Variants in CAST observed in about 807,000 individuals in gnomAD.
CAST encodes the protein calpastatin.
CAST carries 76 observed loss-of-function variants against 119.6 expected under a neutral mutation model. The ratio of observed to expected loss-of-function variants is 0.64; its 90% CI spans 0.53 to 0.77. The LOEUF is 0.77. CAST is among the 30% of genes least tolerant of loss of function. CAST has a pLI of 0.00. For missense variants in CAST, 953 were observed against 946.5 expected, an observed-to-expected ratio of 1.01 and a Z score of -0.09; for synonymous variants, 319 against 331.6, an observed-to-expected ratio of 0.96 and a Z score of 0.41.
intron 31 of CAST, chr5:96,772,376 C>CA (rs1772740215): frequency 6.5e-6 from 1 of 152,800 alleles, no homozygotes; most frequent in Admixed American, 6.6e-5. Flanking sequence ...TAAAAGAAAT[C>CA]AAAGTATAGG....
chr5:96,340,385 A>G, the CAST span, among the ~76,000 whole-genome samples: 1 of 149,194 alleles, frequency 6.7e-6, no homozygotes, highest in Non-Finnish European at 1.5e-5. Context: ...CACCATGGTT[A>G]ACTTGTTTTT....
At chr5:96,083,904 C>G in the CAST span, among the ~76,000 whole-genome samples, 1 of 152,210 alleles carries the variant, frequency 6.6e-6, no homozygotes, top group Non-Finnish European at 1.5e-5. Context: ...TGCATTACTA[C>G]TTGCATTTGA....
chr5:96,068,966 C>CGT, the CAST span, among the ~76,000 whole-genome samples: 1 of 147,552 alleles, frequency 6.8e-6, no homozygotes, highest in African/African-American at 2.5e-5. Flanking sequence ...AGGATGTATG[C>CGT]GTGTATGTAT....
the CAST span, among the ~76,000 whole-genome samples, chr5:96,497,359 C>G: frequency 1.7e-4 from 26 of 152,214 alleles, no homozygotes; most frequent in Non-Finnish European, 2.9e-4. Flanking sequence ...GATTTATAAT[C>G]CTTTGGGTAT....
rs1457003203 is a variant in CAST at position 96,534,741 on chromosome 5, GAAAGAAAGAA to G, written c.60+4863_60+4872del. Among the ~76,000 whole-genome samples, 74 of 9,160 alleles carry G rather than the reference GAAAGAAAGAA, an allele frequency of 8.1e-3. 1 individual carries two copies. The highest frequency in any genetic ancestry group is 0.022 in the African/African-American group (73 of 3,354). The allele number at this position is 9,160 out of a possible 152,430, so 6.0% of individuals were successfully genotyped here. ...AGAGAGAGAGAGAGAGAGAGAGAGAGAAAGAAAGAAAGAAAGAAAGAAAGAAAGAAAGAAA... is the reference window on the plus strand; with the variant it reads ...AGAGAGAGAGAGAGAGAGAGAGAGAGAGAAAGAAAGAAAGAAAGAAAGAAA... On this transcript the variant is annotated intron_variant, in intron 1 of 11. Coordinates refer to the CAST transcript ENST00000505143.
At chr5:96,081,109 A>G in the CAST span, among the ~76,000 whole-genome samples, 2 of 152,246 alleles carry the variant, frequency 1.3e-5, no homozygotes, top group East Asian at 3.8e-4. Context: ...TCCATGCTCC[A>G]GAGGACAGAA....
At chr5:96,560,154 T>G (rs1356740764) in intron 1 of CAST, among the ~76,000 whole-genome samples, 3 of 152,218 alleles carry the variant, frequency 2.0e-5, no homozygotes, top group East Asian at 3.9e-4. Flanking sequence ...GCTAGCCATA[T>G]GTAGAAAGCT....
At chr5:96,752,237 T>A (rs1315128230) in intron 20 of CAST, among the ~76,000 whole-genome samples, 1 of 152,226 alleles carries the variant, frequency 6.6e-6, no homozygotes, top group African/African-American at 2.4e-5. Flanking sequence ...TTACTCCTGT[T>A]TCCAGATTCC....
the CAST span, among the ~76,000 whole-genome samples, chr5:95,968,686 T>C: frequency 6.6e-6 from 1 of 152,178 alleles, no homozygotes; most frequent in African/African-American, 2.4e-5. Flanking sequence ...ATTGTAGCCC[T>C]AGCTGATTTC....
chr5:96,412,756 T>TTTTTTTTTTGTTTTTG, the CAST span, among the ~76,000 whole-genome samples: 8 of 142,302 alleles, frequency 5.6e-5, 1 homozygote, highest in African/African-American at 2.3e-4. Flanking sequence ...TGTGATGTTT[T>TTTTTTTTTTGTTTTTG]TTTTTTTTTT....
At chr5:96,308,481 C>G in the CAST span, among the ~76,000 whole-genome samples, 1 of 151,918 alleles carries the variant, frequency 6.6e-6, no homozygotes, top group Non-Finnish European at 1.5e-5. Flanking sequence ...ATTCTTTGTC[C>G]AGTTTTGTTC....
the CAST span, among the ~76,000 whole-genome samples, chr5:96,080,134 A>T: frequency 2.9e-4 from 44 of 152,316 alleles, no homozygotes; most frequent in Middle Eastern, 3.4e-3. Context: ...AGGACAAGTT[A>T]CTCAACTTTC....
the CAST span, among the ~76,000 whole-genome samples, chr5:96,254,041 A>G: frequency 3.3e-5 from 5 of 152,090 alleles, no homozygotes; most frequent in African/African-American, 1.2e-4. Flanking sequence ...GGGGTGGGTT[A>G]GCACAGTAAA....
chr5:96,500,474 T>C, the CAST span, among the ~76,000 whole-genome samples: 1 of 152,212 alleles, frequency 6.6e-6, no homozygotes, highest in Non-Finnish European at 1.5e-5. Context: ...AACATTTGGA[T>C]CTAGTTGTAC....
At chr5:96,314,761 T>G in the CAST span, among the ~76,000 whole-genome samples, 3 of 152,204 alleles carry the variant, frequency 2.0e-5, no homozygotes, top group African/African-American at 7.2e-5. Flanking sequence ...GATAACCTGT[T>G]CACATTTCTG....
chr5:96,364,049 T>C, the CAST span, among the ~76,000 whole-genome samples: 32 of 152,326 alleles, frequency 2.1e-4, no homozygotes, highest in Admixed American at 8.5e-4. Flanking sequence ...TGAAGGGCTG[T>C]TGAATTTTGT....
At chr5:96,287,847 A>C in the CAST span, among the ~76,000 whole-genome samples, 1 of 152,134 alleles carries the variant, frequency 6.6e-6, no homozygotes, top group Non-Finnish European at 1.5e-5. Context: ...TCTGTCTCAA[A>C]AAAAGAAAAA....
chr5:96,611,163 A>C (rs760571323), intron 1 of CAST, among the ~76,000 whole-genome samples: 1 of 152,206 alleles, frequency 6.6e-6, no homozygotes, highest in Non-Finnish European at 1.5e-5. Context: ...TAAAATTCAT[A>C]TGGAACCAAC....
At chr5:96,275,794 A>G in the CAST span, among the ~76,000 whole-genome samples, 1 of 152,230 alleles carries the variant, frequency 6.6e-6, no homozygotes, top group Non-Finnish European at 1.5e-5. Flanking sequence ...GATGCACATT[A>G]CAGGCTCATT....
Sources: allele counts gnomAD v4.1 joint callset (sites outside exome capture counted in the v4.1 genomes callset), GRCh38; gene constraint gnomAD v4.1.1; transcripts MANE v1.5; gene names NCBI Gene and HGNC (gene_info 2026-07-23, HGNC 2026-07-21).